RNF217: variants seen among roughly 807,000 people sequenced by gnomAD.
RNF217 encodes the protein ring finger protein 217.
In RNF217, 31 loss-of-function variants were observed where a neutral mutation model predicts 57.8. That is an observed-to-expected ratio of 0.54 (90% CI 0.40 to 0.72). RNF217 has a LOEUF of 0.72. RNF217 is among the 30% of genes least tolerant of loss of function. The pLI is 0.00. For synonymous variants in RNF217, 313 were observed against 294.0 expected (o/e 1.06, Z -0.66); for missense variants, 696 against 708.3 (o/e 0.98, Z 0.20).
chr6:125,052,038 T>G (rs974553156), intron 2 of RNF217, among the ~76,000 whole-genome samples: 2 of 152,052 alleles, frequency 1.3e-5, no homozygotes, highest in Non-Finnish European at 2.9e-5. Context: ...TGGACTGATA[T>G]GAAATAGTGA....
At chr6:125,024,872 A>G (rs1786010970) in intron 1 of RNF217, among the ~76,000 whole-genome samples, 1 of 152,092 alleles carries the variant, frequency 6.6e-6, no homozygotes, top group Admixed American at 6.5e-5. Flanking sequence ...AGAGATCTGG[A>G]CTGGTGTTTT....
intron 1 of RNF217, among the ~76,000 whole-genome samples, chr6:125,009,858 T>C (rs899434477): frequency 3.3e-5 from 5 of 152,214 alleles, no homozygotes; most frequent in African/African-American, 1.2e-4. Context: ...TTACACAATC[T>C]TTAAAAATGT....
In RNF217 at chr6:125,052,284, T is replaced by TTGTATGTGTGTGTG. The variant is rs374838947; in HGVS notation, c.1117-5655_1117-5654insATGTGTGTGTGTGT. Reference sequence around the variant, plus strand: ...AATATAGCTTACCTTGTCATGCGTTTTGTGTGTGTGTGTGTGTGTGTGTGT... The same window carrying TTGTATGTGTGTGTG: ...AATATAGCTTACCTTGTCATGCGTTTTGTATGTGTGTGTGTGTGTGTGTGTGTGTGTGTGTGTGT... On this transcript the variant is annotated intron_variant, in intron 2 of 5. Transcript: ENST00000521654. 3.2e-3 allele frequency among the ~76,000 whole-genome samples: 453 copies of TTGTATGTGTGTGTG among 143,230 alleles called. 3 individuals are homozygous for TTGTATGTGTGTGTG. The highest frequency in any genetic ancestry group is 0.011 in the African/African-American group (420 of 38,968). 94.0% of individuals were successfully genotyped at this position (143,230 alleles called of 152,430 possible). A position where few individuals can be genotyped will look rare whatever the true frequency, so the allele number is the denominator to read the frequency against.
chr6:125,061,491 G>A lies in RNF217; in HGVS notation c.1281+3385G>A, dbSNP rs1787731463. ...GTTCATACCCTTTGCCCATTTATGT[G>A]GGACAGATTGGGGCATATTTTTATT... On this transcript the variant is annotated intron_variant, in intron 3 of 5. Transcript: ENST00000521654. Among the ~76,000 whole-genome samples, 5 of 151,336 alleles carry A rather than the reference G, an allele frequency of 3.3e-5. 1 individual carries two copies. In the South Asian group the frequency reaches 1.0e-3, roughly 32 times the overall value.
At chr6:124,979,621 C>A (rs1784085045) in intron 1 of RNF217, among the ~76,000 whole-genome samples, 1 of 152,118 alleles carries the variant, frequency 6.6e-6, no homozygotes, top group Non-Finnish European at 1.5e-5. Flanking sequence ...GCACAGAGAG[C>A]AGAGGGGAAT....
intron 1 of RNF217, chr6:125,006,237 A>G (rs1317018294): frequency 6.6e-6 from 1 of 152,194 alleles, no homozygotes; most frequent in Non-Finnish European, 1.5e-5. Context: ...AAAATAAGTT[A>G]TGAACTTTTG....
At position 124,962,569 on chromosome 6, in the gene RNF217, AGCG is replaced by A. The variant is rs765208922; in HGVS notation, c.36_38del (p.Gly13del). The A allele has an allele frequency of 1.2e-4, 145 of 1,256,584 alleles. No individual in the cohort carries two copies. Among genetic ancestry groups the A allele is most frequent in the South Asian group, 8.0e-4 (27 of 33,876 alleles). 77.8% of individuals were successfully genotyped at this position (1,256,584 alleles called of 1,614,324 possible). ...GATGGGCGAGGAGCAGAGCACGGTG[AGCG>A]GCGGCGGCGGGCCCCAGGAGTCGCA... is the stretch of plus-strand genomic sequence containing the variant. On this transcript the variant is annotated inframe_deletion, in exon 1 of 6. Transcript: ENST00000521654. This position sits in a 1 kb window ranked among gnomAD's most constrained non-coding sequence, Gnocchi z 4.6.
At chr6:125,025,200 T>G (rs1786026444) in intron 1 of RNF217, among the ~76,000 whole-genome samples, 2 of 152,106 alleles carry the variant, frequency 1.3e-5, no homozygotes, top group South Asian at 4.1e-4. Context: ...TGATTGATAA[T>G]TTTGTAGAGA....
At chr6:124,995,053 G>A (rs1784696838) in intron 1 of RNF217, among the ~76,000 whole-genome samples, 1 of 152,134 alleles carries the variant, frequency 6.6e-6, no homozygotes, top group African/African-American at 2.4e-5. Flanking sequence ...ATTAAAACAA[G>A]ATTATTTCTC....
rs564963054 is a variant in RNF217, at chr6:124,996,712, G to T, written c.882+33286G>T. 4 of 152,224 alleles carry T rather than the reference G, an allele frequency of 2.6e-5. No individual in the cohort carries two copies. In the East Asian group the frequency reaches 7.7e-4, roughly 29 times the overall value. 9.4% of individuals were successfully genotyped at this position (152,224 alleles called of 1,614,324 possible). On this transcript the variant is annotated intron_variant, in intron 1 of 5. Transcript: ENST00000521654. ...TATAAAGTTAGATGCAAAAGTAAAT[G>T]ATTACAATGAGACTATAAGTCACAA...
chr6:125,016,643 G>A (rs1785613812), intron 1 of RNF217, among the ~76,000 whole-genome samples: 1 of 152,004 alleles, frequency 6.6e-6, no homozygotes, highest in South Asian at 2.1e-4. Context: ...TAAAAAAAAG[G>A]ATGAAGCTGG....
chr6:124,962,621 G>A lies in RNF217; in HGVS notation c.77G>A (p.Gly26Asp), dbSNP rs1039810952. ...CAGACCCTGGCCAGTGGCACTGCGG[G>A]CCACCCTGAGCCCCCGAGGCCTCAG... Reference protein sequence around the residue: ...ESQTLASGTAGHPEPPRPQGD... With the variant: ...ESQTLASGTADHPEPPRPQGD... Residue 26 changes from glycine (G) to aspartate (D), a missense_variant, in exon 1 of 6, where the codon GGC (glycine) becomes GAC (aspartate). Gly to Asp is a moderately conservative substitution (Grantham distance 94, BLOSUM62 -1). Coordinates refer to ENST00000521654, the MANE Select transcript of RNF217 (RefSeq NM_001286398.3). The surrounding 1 kb of genome is among the most constrained non-coding windows in gnomAD (Gnocchi z 4.6). The A allele has an allele frequency of 1.5e-6, 2 of 1,314,674 alleles. No individual in the cohort carries two copies. The highest frequency in any genetic ancestry group is 4.1e-5 in the Admixed American group (1 of 24,412). 81.4% of individuals were successfully genotyped at this position (1,314,674 alleles called of 1,614,324 possible). A position where few individuals can be genotyped will look rare whatever the true frequency, so the allele number is the denominator to read the frequency against.
chr6:125,048,270 T>G (rs1787172403), intron 2 of RNF217: 1 of 1,339,270 alleles, frequency 7.5e-7, no homozygotes. Context: ...GTGAACATTT[T>G]TTATTTTGCA....
At position 125,062,551 on chromosome 6, in the gene RNF217, T is replaced by A. The variant is rs1787775718; in HGVS notation, c.1281+4445T>A. ...CTTTACTTAGCCATTTTTATTTGAA[T>A]CTTATTGTTCCTTTTGTTTGTTTGT... On this transcript the variant is annotated intron_variant, in intron 3 of 5. Coordinates refer to ENST00000521654, the MANE Select transcript of RNF217 (RefSeq NM_001286398.3). 2.0e-5 allele frequency among the ~76,000 whole-genome samples: 3 copies of A among 152,064 alleles called. No homozygotes were observed. The South Asian group carries it at 6.2e-4, about 32-fold the overall frequency.
rs142516767 is a variant in RNF217 at position 124,970,091 on chromosome 6, G to A, written c.882+6665G>A. 4.1e-3 allele frequency among the ~76,000 whole-genome samples: 624 copies of A among 152,298 alleles called. 4 individuals carry two copies. The highest frequency in any genetic ancestry group is 0.014 in the African/African-American group (571 of 41,554). On this transcript the variant is annotated intron_variant, in intron 1 of 5. Coordinates refer to ENST00000521654, the MANE Select transcript of RNF217 (RefSeq NM_001286398.3). ...TGCTAAAAAGAAGACAGCAGGAGGA[G>A]TGGGGAAAGCTGGTCGGGCAGGGAT...
rs939990862 is a variant in RNF217 at position 125,091,127 on chromosome 6, G to A, written c.*8190G>A. 6.6e-5 allele frequency: 10 copies of A among 151,946 alleles called. No homozygotes were observed. The highest frequency in any genetic ancestry group is 2.4e-4 in the African/African-American group (10 of 41,406). 9.4% of individuals were successfully genotyped at this position (151,946 alleles called of 1,614,324 possible). A position where few individuals can be genotyped will look rare whatever the true frequency, so the allele number is the denominator to read the frequency against. On this transcript the variant is annotated 3_prime_UTR_variant, in exon 6 of 6. Coordinates refer to ENST00000521654, the MANE Select transcript of RNF217 (RefSeq NM_001286398.3). ...TCATGCTGTTGTTTCCATGAATTGT[G>A]TTTTTAGCATAGTATATACTTTTCT... is the stretch of plus-strand genomic sequence containing the variant.
At chr6:125,029,267 A>G (rs1383196437) in intron 1 of RNF217, among the ~76,000 whole-genome samples, 2 of 152,174 alleles carry the variant, frequency 1.3e-5, no homozygotes, top group Admixed American at 1.3e-4. Flanking sequence ...TTTTGAAGGT[A>G]TTAAACATCA....
rs550013925 is a variant in RNF217 at position 125,091,000 on chromosome 6, G to A, written c.*8063G>A. The A allele has an allele frequency of 6.6e-6, 1 of 151,972 alleles. No individual in the cohort carries two copies. The highest frequency in any genetic ancestry group is 2.1e-4 in the South Asian group (1 of 4,824). The allele number at this position is 151,972 out of a possible 1,614,324, so 9.4% of individuals were successfully genotyped here. A position where few individuals can be genotyped will look rare whatever the true frequency, so the allele number is the denominator to read the frequency against. ...GAAATCTCTCAAAAGAAATTGCAAA[G>A]GAAAAATTACGTTGAGATGAAATGT... is the stretch of plus-strand genomic sequence containing the variant. On this transcript the variant is annotated 3_prime_UTR_variant, in exon 6 of 6. Coordinates refer to ENST00000521654, the MANE Select transcript of RNF217 (RefSeq NM_001286398.3).
chr6:125,040,191 A>C (rs1216155781), intron 1 of RNF217, among the ~76,000 whole-genome samples: 1 of 152,070 alleles, frequency 6.6e-6, no homozygotes, highest in Non-Finnish European at 1.5e-5. Flanking sequence ...TAGATAGACC[A>C]CTAGCTAGAC....
Sources: gnomAD v4.1 joint callset for allele counts (sites outside exome capture counted in the v4.1 genomes callset) on GRCh38, gnomAD v4.1.1 for gene constraint, Gnocchi (gnomAD v3.1) non-coding constraint, MANE v1.5 for transcripts, NCBI Gene and HGNC (gene_info 2026-07-23, HGNC 2026-07-21) for gene names.